Variants in GFRAL observed in about 807,000 individuals in gnomAD.
The protein encoded by GFRAL is GDNF family receptor alpha-like.
A neutral mutation model predicts 45.4 loss-of-function variants in GFRAL; 36 were observed. The ratio of observed to expected loss-of-function variants is 0.79; its 90% CI spans 0.61 to 1.05. The LOEUF (loss-of-function observed/expected upper bound fraction) is 1.05. Ranked by LOEUF, GFRAL falls within the 50% of genes least tolerant of loss-of-function variation. The pLI, the probability that GFRAL is intolerant of heterozygous loss-of-function variation, is 0.00. For synonymous variants in GFRAL, 166 were observed against 154.1 expected, an observed-to-expected ratio of 1.08 and a Z score of -0.57; for missense variants, 507 against 467.5, an observed-to-expected ratio of 1.08 and a Z score of -0.78.
At chr6:55,339,404 T>C (rs1767933050) in intron 3 of GFRAL, among the ~76,000 whole-genome samples, 2 of 152,056 alleles carry the variant, frequency 1.3e-5, no homozygotes, top group South Asian at 2.1e-4. Flanking sequence ...CAAGCTGGCA[T>C]TGGGAAGCAG....
chr6:55,381,867 T>C (rs747912063), intron 6 of GFRAL, among the ~76,000 whole-genome samples: 1 of 151,900 alleles, frequency 6.6e-6, no homozygotes, highest in African/African-American at 2.4e-5. Context: ...CACACAGATA[T>C]ACATACACGT....
chr6:55,351,958 G>A (rs1332618398), intron 5 of GFRAL, among the ~76,000 whole-genome samples: 6 of 150,946 alleles, frequency 4.0e-5, no homozygotes, highest in African/African-American at 1.5e-4. Flanking sequence ...TTATTATTTT[G>A]GCAAGGAGAC....
At chr6:55,333,581 A>G (rs1767856466) in intron 2 of GFRAL, among the ~76,000 whole-genome samples, 1 of 152,202 alleles carries the variant, frequency 6.6e-6, no homozygotes, top group Non-Finnish European at 1.5e-5. Context: ...GAAAGTTTTA[A>G]TATAGAAAGT....
rs747790788 is a variant in GFRAL, at chr6:55,351,492, G to C, written c.610G>C (p.Ala204Pro). Residue 204 changes from alanine to proline, a missense_variant, in exon 5 of 9, where the codon GCT (alanine) becomes CCT (proline). Transcript: ENST00000340465. ...TATACCTTGTCAGCAGTCCAAAGAA[G>C]CTCTTCACAGCAAGACATGTGCAGT... ...SDIPCQQSKE[A>P]LHSKTCAVNM... 6.2e-7 allele frequency: 1 copy of C among 1,613,554 alleles called. No homozygotes were observed. Among genetic ancestry groups the C allele is most frequent in the South Asian group, 1.1e-5 (1 of 91,074 alleles).
rs778970278 is a variant in GFRAL at position 55,351,485 on chromosome 6, C to T, written c.603C>T (p.Ser201=). The change falls in exon 5 of 9, where the codon TCC becomes TCT. Residue 201 remains serine, a synonymous_variant. Coordinates refer to ENST00000340465, the MANE Select transcript of GFRAL (RefSeq NM_207410.2). ...AATCTGATATACCTTGTCAGCAGTC[C>T]AAAGAAGCTCTTCACAGCAAGACAT... ...CAQSDIPCQQ[S]KEALHSKTCA... 2 of 1,613,534 alleles carry T rather than the reference C, an allele frequency of 1.2e-6. No homozygotes were observed. Among genetic ancestry groups the T allele is most frequent in the Non-Finnish European group, 1.7e-6 (2 of 1,179,700 alleles).
At chr6:55,384,891 C>T (rs1768659583) in intron 6 of GFRAL, among the ~76,000 whole-genome samples, 1 of 149,886 alleles carries the variant, frequency 6.7e-6, no homozygotes, top group Non-Finnish European at 1.5e-5. Context: ...TCAGACTCAG[C>T]TACGGAGTTA....
At chr6:55,330,967 T>C (rs1402896711) in intron 1 of GFRAL, among the ~76,000 whole-genome samples, 1 of 152,144 alleles carries the variant, frequency 6.6e-6, no homozygotes, top group East Asian at 1.9e-4. Context: ...CTCATGTTAA[T>C]TGTGGCATTG....
At chr6:55,331,218 A>C (rs1345979736) in intron 1 of GFRAL, among the ~76,000 whole-genome samples, 2 of 152,180 alleles carry the variant, frequency 1.3e-5, no homozygotes, top group Non-Finnish European at 2.9e-5. Context: ...AGAGAACCTA[A>C]GCTAAAATTA....
chr6:55,369,375 G>A (rs4712101), intron 6 of GFRAL, among the ~76,000 whole-genome samples: 98,388 of 152,020 alleles, frequency 0.65, 32,892 homozygotes, highest in African/African-American at 0.77. Context: ...CCGGTACCTC[G>A]GATGGAAATG....
At chr6:55,328,186 T>A (rs1339636882) in intron 1 of GFRAL, among the ~76,000 whole-genome samples, 1 of 151,924 alleles carries the variant, frequency 6.6e-6, no homozygotes, top group Non-Finnish European at 1.5e-5. Context: ...TATTATAAGA[T>A]GTTGATGAAA....
chr6:55,343,288 C>T (rs1767994957), intron 3 of GFRAL, among the ~76,000 whole-genome samples: 1 of 152,134 alleles, frequency 6.6e-6, no homozygotes. Flanking sequence ...TAAAGCACTC[C>T]TTGGCAAACG....
chr6:55,353,753 C>T (rs1338589207), intron 5 of GFRAL, among the ~76,000 whole-genome samples: 1 of 151,982 alleles, frequency 6.6e-6, no homozygotes, highest in Non-Finnish European at 1.5e-5. Context: ...ATAACAAAGA[C>T]ATTTGTCATA....
At chr6:55,365,811 G>C (rs955206306) in intron 6 of GFRAL, among the ~76,000 whole-genome samples, 1 of 150,288 alleles carries the variant, frequency 6.7e-6, no homozygotes, top group South Asian at 2.1e-4. Context: ...TGGTGGATAA[G>C]CTTTTGGATG....
intron 2 of GFRAL, among the ~76,000 whole-genome samples, chr6:55,332,879 T>A (rs1192285840): frequency 6.6e-6 from 1 of 151,682 alleles, no homozygotes; most frequent in Non-Finnish European, 1.5e-5. Flanking sequence ...GTAAATAGAA[T>A]AAACTGTCTA....
chr6:55,330,178 T>C (rs1158378084), intron 1 of GFRAL, among the ~76,000 whole-genome samples: 1 of 152,190 alleles, frequency 6.6e-6, no homozygotes, highest in African/African-American at 2.4e-5. Flanking sequence ...CAAAAGTAAC[T>C]TGTAAATATC....
intron 3 of GFRAL, among the ~76,000 whole-genome samples, chr6:55,337,206 TA>T (rs1767902705): frequency 6.6e-6 from 1 of 152,150 alleles, no homozygotes; most frequent in South Asian, 2.1e-4. Context: ...TTTAGTTTTT[TA>T]TATGGCGAAA....
Position 55,327,501 on chromosome 6 carries a change from CAGA to C in GFRAL, c.-49_-47del. 1 of 1,603,428 alleles carries C rather than the reference CAGA, an allele frequency of 6.2e-7. No homozygotes were observed. On this transcript the variant is annotated 5_prime_UTR_variant, in exon 1 of 9. Coordinates refer to ENST00000340465, the MANE Select transcript of GFRAL (RefSeq NM_207410.2). ...GGACAGTTACTCTTAAGAAAGTTGTCAGAAGAAACGCATCTGCCTTTTTTTCCA... is the reference window on the plus strand; with the variant it reads ...GGACAGTTACTCTTAAGAAAGTTGTCAGAAACGCATCTGCCTTTTTTTCCA...
chr6:55,369,035 C>G (rs971649703), intron 6 of GFRAL, among the ~76,000 whole-genome samples: 2 of 151,766 alleles, frequency 1.3e-5, no homozygotes, highest in African/African-American at 4.9e-5. Flanking sequence ...GCGCCCCTAC[C>G]CCAGCCTGGC....
chr6:55,350,057 T>A (rs753565615), intron 3 of GFRAL, 35 bp from the exon 4 acceptor site: 3 of 1,270,760 alleles, frequency 2.4e-6, no homozygotes, highest in Non-Finnish European at 3.4e-6. Context: ...AGAAAATTGT[T>A]CAATAATGAA....
Sources: allele counts gnomAD v4.1 joint callset (sites outside exome capture counted in the v4.1 genomes callset), GRCh38; gene constraint gnomAD v4.1.1; transcripts MANE v1.5; gene names NCBI Gene and HGNC (gene_info 2026-07-23, HGNC 2026-07-21).